SGCZ: variants seen among roughly 807,000 people sequenced by gnomAD.
SGCZ encodes the protein sarcoglycan zeta.
A neutral mutation model predicts 41.3 loss-of-function variants in SGCZ; 40 were observed. That is an observed-to-expected ratio of 0.97 (90% CI 0.75 to 1.26). The LOEUF is 1.26. SGCZ is among the 50% of genes most tolerant of loss of function. SGCZ has a pLI of 0.00. For missense variants in SGCZ, 552 were observed against 369.8 expected (o/e 1.49, Z -4.04); for synonymous variants, 206 against 137.5 (o/e 1.50, Z -3.49).
At chr8:14,099,376 A>G (rs992347025) in intron 7 of SGCZ, among the ~76,000 whole-genome samples, 5 of 152,168 alleles carry the variant, frequency 3.3e-5, no homozygotes, top group African/African-American at 1.2e-4. Flanking sequence ...TCCTCTACCA[A>G]GAATTCACTT....
intron 1 of SGCZ, among the ~76,000 whole-genome samples, chr8:14,964,041 GCTAAAAATAAAT>G (rs1467352710): frequency 2.6e-5 from 4 of 152,040 alleles, no homozygotes; most frequent in Non-Finnish European, 5.9e-5. Context: ...AGGTTACAAG[GCTAAAAATAAAT>G]TGATCTTATA....
At chr8:14,439,110 C>T (rs542604027) in intron 2 of SGCZ, among the ~76,000 whole-genome samples, 20 of 151,942 alleles carry the variant, frequency 1.3e-4, no homozygotes, top group East Asian at 3.9e-4. Context: ...GGAAAAGATT[C>T]GATTCCCCTA....
chr8:14,199,017 A>G (rs1563181117), intron 4 of SGCZ, among the ~76,000 whole-genome samples: 1 of 152,170 alleles, frequency 6.6e-6, no homozygotes, highest in Non-Finnish European at 1.5e-5. Context: ...TGTTTGAACA[A>G]TATCAAATCT....
intron 2 of SGCZ, among the ~76,000 whole-genome samples, chr8:14,455,667 T>C (rs1396200105): frequency 1.3e-5 from 2 of 152,228 alleles, no homozygotes; most frequent in Non-Finnish European, 2.9e-5. Context: ...ATTTGTGTTT[T>C]ATTTGCAATC....
intron 3 of SGCZ, among the ~76,000 whole-genome samples, chr8:14,316,112 T>C (rs920290583): frequency 1.3e-5 from 2 of 151,916 alleles, no homozygotes; most frequent in African/African-American, 4.8e-5. Context: ...AAATCATACC[T>C]TTAAGAACAA....
intron 1 of SGCZ, among the ~76,000 whole-genome samples, chr8:14,875,787 G>A (rs936147716): frequency 1.3e-5 from 2 of 152,168 alleles, no homozygotes; most frequent in Non-Finnish European, 1.5e-5. Flanking sequence ...TTCCAGCTAT[G>A]TTATAAATAA....
At chr8:14,326,778 T>C (rs1457287060) in intron 2 of SGCZ, among the ~76,000 whole-genome samples, 1 of 152,206 alleles carries the variant, frequency 6.6e-6, no homozygotes, top group Non-Finnish European at 1.5e-5. Flanking sequence ...ACCAGTTTTA[T>C]AGTATCCTCT....
At chr8:15,175,352 TA>T (rs902914010) in intron 1 of SGCZ, among the ~76,000 whole-genome samples, 36 of 146,122 alleles carry the variant, frequency 2.5e-4, no homozygotes, top group Admixed American at 8.2e-4. Context: ...TATGCAGCCA[TA>T]AAAAAAAAAG....
chr8:14,884,158 CACA>C (rs1331476777), intron 1 of SGCZ, among the ~76,000 whole-genome samples: 1 of 152,042 alleles, frequency 6.6e-6, no homozygotes, highest in Non-Finnish European at 1.5e-5. Flanking sequence ...AATAAACAAT[CACA>C]ACGTTTCTCT....
chr8:14,202,087 T>C (rs1279720925), intron 4 of SGCZ, among the ~76,000 whole-genome samples: 2 of 152,170 alleles, frequency 1.3e-5, no homozygotes, highest in African/African-American at 2.4e-5. Flanking sequence ...GCTCACCGCC[T>C]GACCTTAAAA....
At chr8:14,354,045 T>C (rs1238857881) in intron 2 of SGCZ, among the ~76,000 whole-genome samples, 1 of 152,094 alleles carries the variant, frequency 6.6e-6, no homozygotes, top group East Asian at 1.9e-4. Context: ...TATTTCATTT[T>C]CAGTTATTAA....
At chr8:14,342,872 G>T (rs185740934) in intron 2 of SGCZ, among the ~76,000 whole-genome samples, 1 of 152,182 alleles carries the variant, frequency 6.6e-6, no homozygotes, top group Non-Finnish European at 1.5e-5. Flanking sequence ...GACCTTCACC[G>T]AAGGCCCTCT....
chr8:14,471,600 C>G (rs1801214555), intron 2 of SGCZ, among the ~76,000 whole-genome samples: 2 of 151,928 alleles, frequency 1.3e-5, no homozygotes, highest in African/African-American at 2.4e-5. Flanking sequence ...TCAACGTATC[C>G]TATAATTATT....
intron 1 of SGCZ, among the ~76,000 whole-genome samples, chr8:14,562,710 A>C (rs968963332): frequency 1.3e-5 from 2 of 152,186 alleles, no homozygotes; most frequent in African/African-American, 4.8e-5. Flanking sequence ...TTGAGAGATA[A>C]AGAAAATCCA....
intron 1 of SGCZ, among the ~76,000 whole-genome samples, chr8:14,588,306 A>C (rs1002071854): frequency 1.3e-5 from 2 of 152,078 alleles, no homozygotes; most frequent in African/African-American, 2.4e-5. Context: ...ACTTGATTTA[A>C]TGTTGCCAAG....
chr8:14,815,357 G>A (rs1040340735), intron 1 of SGCZ, among the ~76,000 whole-genome samples: 7 of 148,494 alleles, frequency 4.7e-5, no homozygotes, highest in African/African-American at 1.8e-4. Flanking sequence ...TATTACATTT[G>A]CCAGTTTTTC....
chr8:14,624,478 ATT>A (rs1050818137), intron 1 of SGCZ, among the ~76,000 whole-genome samples: 9 of 150,826 alleles, frequency 6.0e-5, no homozygotes, highest in Non-Finnish European at 1.0e-4. Flanking sequence ...AAGCGCAATA[ATT>A]TTTTCTATGC....
intron 3 of SGCZ, among the ~76,000 whole-genome samples, chr8:14,243,979 T>C (rs1016549801): frequency 1.3e-5 from 2 of 152,188 alleles, no homozygotes; most frequent in African/African-American, 4.8e-5. Context: ...CTTTTAAAAG[T>C]ATAGTTTGTG....
intron 1 of SGCZ, among the ~76,000 whole-genome samples, chr8:14,848,611 T>C (rs1292185561): frequency 1.3e-5 from 2 of 152,176 alleles, no homozygotes; most frequent in African/African-American, 4.8e-5. Context: ...AGGATAATCT[T>C]TCAACAAGTG....
Sources: allele counts gnomAD v4.1 joint callset (sites outside exome capture counted in the v4.1 genomes callset), GRCh38; gene constraint gnomAD v4.1.1; transcripts MANE v1.5; gene names NCBI Gene and HGNC (gene_info 2026-07-23, HGNC 2026-07-21).